Variants in SMARCA2 observed in about 807,000 individuals in gnomAD.
The protein encoded by SMARCA2 is SWI/SNF-related matrix-associated actin-dependent regulator of chromatin subfamily A member 2.
In SMARCA2, 61 loss-of-function variants were observed where a neutral mutation model predicts 199.8. The ratio of observed to expected loss-of-function variants is 0.31; its 90% CI spans 0.25 to 0.38. The LOEUF is 0.38. Among genes scored for constraint, SMARCA2 ranks in the 10% least tolerant of loss-of-function variants. The pLI is 1.00. For missense variants in SMARCA2, 1,344 were observed against 2,012.2 expected, an observed-to-expected ratio of 0.67 and a Z score of 6.35; for synonymous variants, 935 against 732.0, an observed-to-expected ratio of 1.28 and a Z score of -4.48.
intron 4 of SMARCA2, chr9:2,045,170 T>C (rs745355434): frequency 6.6e-6 from 1 of 152,186 alleles, no homozygotes; most frequent in Non-Finnish European, 1.5e-5. Flanking sequence ...GAAAAACACT[T>C]TGAGAACTAA....
At chr9:2,147,493 A>G (rs1824823003) in intron 27 of SMARCA2, among the ~76,000 whole-genome samples, 1 of 152,242 alleles carries the variant, frequency 6.6e-6, no homozygotes, top group Non-Finnish European at 1.5e-5. Flanking sequence ...GCTAGAACAC[A>G]TAAATCACAC....
intron 27 of SMARCA2, among the ~76,000 whole-genome samples, chr9:2,155,015 A>AG (rs1445830322): frequency 6.6e-6 from 1 of 152,180 alleles, no homozygotes; most frequent in African/African-American, 2.4e-5. Context: ...AGTCTCTTGC[A>AG]GGGTCTCAAG....
chr9:2,072,591 T>G (rs1821138077), intron 10 of SMARCA2, among the ~76,000 whole-genome samples: 4 of 152,252 alleles, frequency 2.6e-5, no homozygotes, highest in Admixed American at 2.6e-4. Flanking sequence ...ATAATACCTT[T>G]TCTGTTTTTC....
At chr9:2,153,883 A>T (rs1325565405) in intron 27 of SMARCA2, among the ~76,000 whole-genome samples, 1 of 152,114 alleles carries the variant, frequency 6.6e-6, no homozygotes, top group African/African-American at 2.4e-5. Flanking sequence ...ATTTGCTGAA[A>T]GTCTTCCTAA....
intron 9 of SMARCA2, among the ~76,000 whole-genome samples, chr9:2,067,945 A>G (rs1256796930): frequency 6.6e-6 from 1 of 152,204 alleles, no homozygotes; most frequent in Non-Finnish European, 1.5e-5. Context: ...AAGCTTTTTA[A>G]TGTACTATTC....
intron 27 of SMARCA2, among the ~76,000 whole-genome samples, chr9:2,133,295 G>A (rs189090806): frequency 1.1e-4 from 17 of 152,112 alleles, no homozygotes; most frequent in African/African-American, 3.6e-4. Flanking sequence ...GGTTTTTGAC[G>A]TTTTCTGCTT....
chr9:2,106,111 C>G (rs2130563616), intron 23 of SMARCA2, among the ~76,000 whole-genome samples: 1 of 152,286 alleles, frequency 6.6e-6, no homozygotes, highest in Non-Finnish European at 1.5e-5. Context: ...TTGATTTTCT[C>G]AATAAATAAG....
chr9:2,048,239 A>G (rs982714762), intron 5 of SMARCA2, among the ~76,000 whole-genome samples: 1 of 152,150 alleles, frequency 6.6e-6, no homozygotes, highest in Non-Finnish European at 1.5e-5. Flanking sequence ...GTCAACCCAA[A>G]AGGGAGTCCG....
chr9:2,109,943 T>C (rs1822925443), intron 23 of SMARCA2, among the ~76,000 whole-genome samples: 1 of 152,230 alleles, frequency 6.6e-6, no homozygotes, highest in Non-Finnish European at 1.5e-5. Context: ...CTTAAAATTA[T>C]TTGTTGTTAT....
chr9:2,092,055 C>T (rs1003758898), intron 19 of SMARCA2, among the ~76,000 whole-genome samples: 7 of 152,074 alleles, frequency 4.6e-5, no homozygotes, highest in Non-Finnish European at 7.4e-5. Flanking sequence ...TTCTTATGCA[C>T]GGGAAAGAAT....
At position 2,077,794 on chromosome 9, in the gene SMARCA2, A is replaced by C. The variant is rs374033028; in HGVS notation, c.2184+18A>C. On this transcript the variant is annotated intron_variant, in intron 14 of 33. Transcript: ENST00000349721. ...ATTACCAGGTAATTGGCATGGTTTC[A>C]GTTTCCTTGGCAAGTTGTAACCATT... is the stretch of plus-strand genomic sequence containing the variant. 4.4e-6 allele frequency: 7 copies of C among 1,591,804 alleles called. No individual in the cohort carries two copies. The African/African-American group carries it at 8.0e-5, about 18-fold the overall frequency.
intron 29 of SMARCA2, chr9:2,181,352 C>T (rs1586805079): frequency 2.4e-6 from 1 of 420,898 alleles, no homozygotes; most frequent in Admixed American, 4.3e-5. Flanking sequence ...GTATGTGTGA[C>T]AGAAGTGGGG....
rs1825699247 is a variant in SMARCA2, at chr9:2,161,871, T to C, written c.4167T>C (p.Ala1389=). 2 of 1,614,100 alleles carry C rather than the reference T, an allele frequency of 1.2e-6. No individual in the cohort carries two copies. The highest frequency in any genetic ancestry group is 4.5e-5 in the East Asian group (2 of 44,880). The change falls in exon 28 of 34, where the codon GCT becomes GCC. Residue 1389 remains alanine, a synonymous_variant. Transcript: ENST00000349721. The surrounding 1 kb of genome is among the most constrained non-coding windows in gnomAD (Gnocchi z 4.7). ...NPPKLTKQMN[A]IIDTVINYKD... is the part of the protein sequence containing the mutation. ...CCAAACTGACAAAGCAGATGAACGC[T>C]ATCATCGATACTGTGATAAACTACA...
At chr9:2,068,735 C>G (rs954806640) in intron 9 of SMARCA2, among the ~76,000 whole-genome samples, 2 of 147,652 alleles carry the variant, frequency 1.4e-5, no homozygotes, top group African/African-American at 5.0e-5. Context: ...TTTTTTTTTT[C>G]TCTCATTATA....
intron 27 of SMARCA2, among the ~76,000 whole-genome samples, chr9:2,153,302 C>T (rs60115523): frequency 0.018 from 2,706 of 152,240 alleles, 79 homozygotes; most frequent in African/African-American, 0.062. Flanking sequence ...TTTGGGAGGC[C>T]AAAGCAGGAA....
In SMARCA2 at chr9:2,115,273, T is replaced by C. The variant is rs998322129; in HGVS notation, c.3457-549T>C. Among the ~76,000 whole-genome samples the C allele has an allele frequency of 6.6e-5, 10 of 152,176 alleles. No individual in the cohort carries two copies. Among genetic ancestry groups the C allele is most frequent in the Non-Finnish European group, 1.3e-4 (9 of 68,026 alleles). On this transcript the variant is annotated intron_variant, in intron 24 of 33. Coordinates refer to ENST00000349721, the MANE Select transcript of SMARCA2 (RefSeq NM_003070.5). This position sits in a 1 kb window ranked among gnomAD's most constrained non-coding sequence, Gnocchi z 6.0. ...CTAGCAATCCTTTTGATTTCCCAGATTGAAGACCGAGTCTTTGATAAGGTT... is the reference window on the plus strand; with the variant it reads ...CTAGCAATCCTTTTGATTTCCCAGACTGAAGACCGAGTCTTTGATAAGGTT...
rs528489269 is a variant in SMARCA2 at position 2,083,977 on chromosome 9, C to T, written c.2416-109C>T. ...TAGATCAGTCTATGAGAATGTGTGT[C>T]TGTGCATTCTTCAGTCACATGTCTG... On this transcript the variant is annotated intron_variant, in intron 16 of 33. Transcript: ENST00000349721. 16 of 642,322 alleles carry T rather than the reference C, an allele frequency of 2.5e-5. No individual in the cohort carries two copies. In the East Asian group the frequency reaches 4.1e-4, roughly 16 times the overall value. 39.8% of individuals were successfully genotyped at this position (642,322 alleles called of 1,614,324 possible). A position where few individuals can be genotyped will look rare whatever the true frequency, so the allele number is the denominator to read the frequency against.
At position 2,087,721 on chromosome 9, in the gene SMARCA2, A is replaced by G. The variant is rs555370148; in HGVS notation, c.2769+650A>G. On this transcript the variant is annotated intron_variant, in intron 18 of 33. Transcript: ENST00000349721. ...GCAAGAAAAGAAATGGGCACGTGTC[A>G]TTTTCATAGTGGTTCCTCATTCATA... Among the ~76,000 whole-genome samples the G allele has an allele frequency of 2.0e-5, 3 of 152,252 alleles. No individual in the cohort carries two copies. The East Asian group carries it at 5.8e-4, about 29-fold the overall frequency.
At position 2,041,187 on chromosome 9, in the gene SMARCA2, G is replaced by A. The variant is rs147449539; in HGVS notation, c.790+1287G>A. On this transcript the variant is annotated intron_variant, in intron 4 of 33. Coordinates refer to ENST00000349721, the MANE Select transcript of SMARCA2 (RefSeq NM_003070.5). Reference sequence around the variant, plus strand: ...ATACGTTTATTTTCTGGTAGAGGCAGCTCCAAGAGTAGGCCTACCTAAGAG... The same window carrying A: ...ATACGTTTATTTTCTGGTAGAGGCAACTCCAAGAGTAGGCCTACCTAAGAG... 1.5e-3 allele frequency: 583 copies of A among 396,144 alleles called. 4 individuals are homozygous for A. Among genetic ancestry groups the A allele is most frequent in the African/African-American group, 0.011 (520 of 48,692 alleles). 24.5% of individuals were successfully genotyped at this position (396,144 alleles called of 1,614,324 possible).
Sources: gnomAD v4.1 joint callset for allele counts (sites outside exome capture counted in the v4.1 genomes callset) on GRCh38, gnomAD v4.1.1 for gene constraint, Gnocchi (gnomAD v3.1) non-coding constraint, MANE v1.5 for transcripts, NCBI Gene and HGNC (gene_info 2026-07-23, HGNC 2026-07-21) for gene names.